Variants in SUMF1 observed in about 807,000 individuals in gnomAD.
SUMF1 encodes the protein sulfatase modifying factor 1.
In SUMF1, 48 loss-of-function variants were observed where a neutral mutation model predicts 47.6. That is an observed-to-expected ratio of 1.01 (90% CI 0.80 to 1.28). SUMF1 has a LOEUF of 1.28. Among genes scored for constraint, SUMF1 ranks in the 50% most tolerant of loss-of-function variants. The pLI is 0.00. For synonymous variants in SUMF1, 230 were observed against 192.1 expected, an observed-to-expected ratio of 1.20 and a Z score of -1.63; for missense variants, 571 against 485.4, an observed-to-expected ratio of 1.18 and a Z score of -1.66.
At chr3:4,445,794 A>C (rs1277208982) in intron 3 of SUMF1, among the ~76,000 whole-genome samples, 1 of 152,246 alleles carries the variant, frequency 6.6e-6, no homozygotes, top group Non-Finnish European at 1.5e-5. Flanking sequence ...AGACAAAAAC[A>C]AGTGGGTCAT....
chr3:4,089,002 A>G (rs1321565458), intron 8 of SUMF1, among the ~76,000 whole-genome samples: 1 of 152,262 alleles, frequency 6.6e-6, no homozygotes, highest in South Asian at 2.1e-4. Flanking sequence ...AGGAGCCCAC[A>G]GTCCACCAAT....
downstream of SUMF1, among the ~76,000 whole-genome samples, chr3:4,360,467 A>G (rs1230640754): frequency 6.6e-6 from 1 of 152,076 alleles, no homozygotes; most frequent in Non-Finnish European, 1.5e-5. Context: ...CTGGGACTAC[A>G]GGCAAGTGTC....
intron 7 of SUMF1, among the ~76,000 whole-genome samples, chr3:4,386,554 C>A (rs1174889630): frequency 6.6e-6 from 1 of 152,136 alleles, no homozygotes. Context: ...CAAATAGGGA[C>A]TGTTTTATTT....
intron 8 of SUMF1, among the ~76,000 whole-genome samples, chr3:4,076,425 T>A (rs927952801): frequency 2.6e-5 from 4 of 152,076 alleles, no homozygotes; most frequent in Non-Finnish European, 4.4e-5. Context: ...ATTCAGGACA[T>A]AGGCATGGGC....
chr3:4,252,112 CT>C (rs1696815900), intron 8 of SUMF1, among the ~76,000 whole-genome samples: 1 of 152,066 alleles, frequency 6.6e-6, no homozygotes, highest in Non-Finnish European at 1.5e-5. Context: ...CCCCACTGAC[CT>C]AAGTAAATAA....
At chr3:4,043,159 C>T (rs1404131303) in intron 9 of SUMF1, among the ~76,000 whole-genome samples, 1 of 152,012 alleles carries the variant, frequency 6.6e-6, no homozygotes, top group Non-Finnish European at 1.5e-5. Context: ...CCTCCTTCCA[C>T]AGTGGTAGGT....
At chr3:4,376,605 C>T (rs1700338677) in intron 7 of SUMF1, among the ~76,000 whole-genome samples, 1 of 152,178 alleles carries the variant, frequency 6.6e-6, no homozygotes, top group Non-Finnish European at 1.5e-5. Context: ...CTCAAGTTTC[C>T]ACTCTTTGGT....
chr3:4,310,502 G>A (rs1284024972), intron 8 of SUMF1, among the ~76,000 whole-genome samples: 2 of 152,016 alleles, frequency 1.3e-5, no homozygotes, highest in African/African-American at 2.4e-5. Flanking sequence ...TATCCATCAC[G>A]GGGAAAAAAT....
intron 8 of SUMF1, among the ~76,000 whole-genome samples, chr3:4,131,366 T>C (rs1693784165): frequency 6.6e-6 from 1 of 152,142 alleles, no homozygotes; most frequent in Non-Finnish European, 1.5e-5. Flanking sequence ...CATGGGGAGT[T>C]CCCTATGATC....
At chr3:4,280,433 T>C (rs1417234550) in intron 8 of SUMF1, among the ~76,000 whole-genome samples, 2 of 151,862 alleles carry the variant, frequency 1.3e-5, no homozygotes, top group South Asian at 4.2e-4. Context: ...GGTCTAGAGG[T>C]ACTGAACTTG....
chr3:4,388,601 T>A (rs1700748305), intron 7 of SUMF1, among the ~76,000 whole-genome samples: 2 of 152,052 alleles, frequency 1.3e-5, no homozygotes, highest in Admixed American at 1.3e-4. Flanking sequence ...GTCATTTTAT[T>A]TTTTGTTTTC....
chr3:4,133,406 G>C (rs1232725106), intron 8 of SUMF1, among the ~76,000 whole-genome samples: 2 of 152,060 alleles, frequency 1.3e-5, no homozygotes, highest in Admixed American at 6.6e-5. Flanking sequence ...AGTTGACAAG[G>C]GGTGAACTTG....
chr3:4,358,247 C>A (rs1699666007), downstream of SUMF1, among the ~76,000 whole-genome samples: 1 of 152,272 alleles, frequency 6.6e-6, no homozygotes, highest in Middle Eastern at 3.4e-3. Context: ...AAAATAAAGA[C>A]CGTCCAGGAT....
intron 8 of SUMF1, among the ~76,000 whole-genome samples, chr3:4,153,154 C>G (rs914300089): frequency 6.6e-6 from 1 of 151,464 alleles, no homozygotes; most frequent in Non-Finnish European, 1.5e-5. Flanking sequence ...TAAATACATA[C>G]AATAAAATTT....
intron 8 of SUMF1, among the ~76,000 whole-genome samples, chr3:4,082,068 G>A (rs1342621291): frequency 6.6e-6 from 1 of 152,128 alleles, no homozygotes; most frequent in African/African-American, 2.4e-5. Flanking sequence ...GATAGATATT[G>A]ATCAAGCACA....
At chr3:4,307,343 C>T (rs1193437374) in intron 8 of SUMF1, among the ~76,000 whole-genome samples, 1 of 152,180 alleles carries the variant, frequency 6.6e-6, no homozygotes, top group Admixed American at 6.5e-5. Context: ...ATAGGAACCC[C>T]ACCCCCATCA....
At chr3:4,322,310 TATC>T (rs756616464) in intron 8 of SUMF1, among the ~76,000 whole-genome samples, 16 of 152,062 alleles carry the variant, frequency 1.1e-4, no homozygotes, top group Non-Finnish European at 2.4e-4. Flanking sequence ...ATATGTATAA[TATC>T]ATAGGTATGT....
rs61296884 is a variant in SUMF1, at chr3:4,442,638, G to GAAA, written c.519+6625_519+6627dup. ...AAATAGAGGGACAAGAGAGAAAAAG[G>GAAA]AAAAAAAAAAAAAAGAGAGAGAAAA... On this transcript the variant is annotated intron_variant, in intron 3 of 8. Transcript: ENST00000272902. 3.9e-3 allele frequency among the ~76,000 whole-genome samples: 241 copies of GAAA among 61,300 alleles called. 2 individuals are homozygous for GAAA. Among genetic ancestry groups the GAAA allele is most frequent in the African/African-American group, 0.01 (227 of 21,894 alleles). 40.2% of individuals were successfully genotyped at this position (61,300 alleles called of 152,430 possible).
At chr3:4,052,306 C>G (rs777019419) in intron 9 of SUMF1, among the ~76,000 whole-genome samples, 4 of 152,158 alleles carry the variant, frequency 2.6e-5, no homozygotes, top group Admixed American at 1.3e-4. Flanking sequence ...CAAAGGCCTT[C>G]CAGTATCATC....
Sources: allele counts gnomAD v4.1 joint callset (sites outside exome capture counted in the v4.1 genomes callset), GRCh38; gene constraint gnomAD v4.1.1; transcripts MANE v1.5; gene names NCBI Gene and HGNC (gene_info 2026-07-23, HGNC 2026-07-21).